Variants in NFATC2 observed in about 807,000 individuals in gnomAD.
NFATC2 encodes nuclear factor of activated T cells 2.
Under a neutral mutation model 87.3 loss-of-function variants are expected in NFATC2, and 22 were observed. That is an observed-to-expected ratio of 0.25 (90% CI 0.18 to 0.36). The LOEUF is 0.36. NFATC2 is among the 10% of genes least tolerant of loss of function. The pLI, the probability that NFATC2 is intolerant of heterozygous loss-of-function variation, is 1.00. For synonymous variants in NFATC2, 565 were observed against 542.2 expected (o/e 1.04, Z -0.58); for missense variants, 1,149 against 1,259.1 (o/e 0.91, Z 1.32).
In NFATC2 at chr20:51,391,409, C is replaced by T. The variant is rs1986304479; in HGVS notation, c.*87G>A. 6.5e-7 allele frequency: 1 copy of T among 1,549,090 alleles called. No individual in the cohort carries two copies. Among genetic ancestry groups the T allele is most frequent in the South Asian group, 1.1e-5 (1 of 90,330 alleles). On this transcript the variant is annotated 3_prime_UTR_variant, in exon 11 of 11. Coordinates refer to ENST00000371564, the MANE Select transcript of NFATC2 (RefSeq NM_012340.5). ...TAATGGCTTCTTTTACGTCTGATTTCTGGCAGGAGGTCCTGAAAACTCCTT... is the reference window on the plus strand; with the variant it reads ...TAATGGCTTCTTTTACGTCTGATTTTTGGCAGGAGGTCCTGAAAACTCCTT...
intron 3 of NFATC2, among the ~76,000 whole-genome samples, chr20:51,490,127 TAAC>T (rs1267488970): frequency 2.0e-5 from 3 of 152,296 alleles, no homozygotes; most frequent in East Asian, 1.9e-4. Flanking sequence ...TTAATCATAA[TAAC>T]AACAACAATG....
At chr20:51,397,249 TCTGCTTTACACTTAC>T (rs1371738633) in intron 10 of NFATC2, among the ~76,000 whole-genome samples, 1 of 152,202 alleles carries the variant, frequency 6.6e-6, no homozygotes, top group Non-Finnish European at 1.5e-5. Flanking sequence ...CTCCCAGACC[TCTGCTTTACACTTAC>T]TAAGTAACTT....
At chr20:51,395,239 A>C (rs537365524) in intron 10 of NFATC2, among the ~76,000 whole-genome samples, 1 of 150,076 alleles carries the variant, frequency 6.7e-6, no homozygotes, top group Non-Finnish European at 1.5e-5. Context: ...TAGATGGGGA[A>C]ATAGAGACAG....
At chr20:51,507,275 C>A (rs1453594144) in intron 3 of NFATC2, among the ~76,000 whole-genome samples, 2 of 152,182 alleles carry the variant, frequency 1.3e-5, no homozygotes, top group Non-Finnish European at 2.9e-5. Context: ...AATAGCAGCC[C>A]CGACTCACCA....
upstream of NFATC2, among the ~76,000 whole-genome samples, chr20:51,547,698 C>T (rs982068405): frequency 6.6e-6 from 1 of 152,200 alleles, no homozygotes; most frequent in African/African-American, 2.4e-5. Context: ...CTCACTGTGC[C>T]TCAACTCAAG....
rs371914774 is a variant in NFATC2 at position 51,404,551 on chromosome 20, A to C, written c.2723-5821T>G. The stretch of plus-strand genomic sequence containing the variant: ...ATATGGCACTATGCCAAGCTAAGAA[A>C]TAACCAAAAGTAGCAGCTCTTTCTA... On this transcript the variant is annotated intron_variant, in intron 9 of 10. Transcript: ENST00000371564. 1.5e-3 allele frequency among the ~76,000 whole-genome samples: 225 copies of C among 152,378 alleles called. 1 individual carries two copies. Among genetic ancestry groups the C allele is most frequent in the African/African-American group, 5.1e-3 (214 of 41,596 alleles).
At chr20:51,556,544 C>T (rs1300344093) in intron 1 of NFATC2, among the ~76,000 whole-genome samples, 5 of 152,144 alleles carry the variant, frequency 3.3e-5, no homozygotes, top group East Asian at 1.9e-4. Flanking sequence ...GTACCCGGCA[C>T]GTGATAGATC....
chr20:51,475,642 T>C lies in NFATC2; in HGVS notation c.1351A>G (p.Asn451Asp), dbSNP rs1180630171. ...AAGATCTGAAGTCCCAGAGGCTTGT[T>C]TTCCATGTAGCCATGGAGCTGGTGG... ...PVVQLHGYME[N>D]KPLGLQIFIG... is the part of the protein sequence containing the mutation. The change falls in exon 4 of 11, where the codon AAC becomes GAC. Residue 451 changes from asparagine (N) to aspartate (D), a missense_variant. Coordinates refer to ENST00000371564, the MANE Select transcript of NFATC2 (RefSeq NM_012340.5). The C allele has an allele frequency of 6.2e-7, 1 of 1,614,114 alleles. No individual in the cohort carries two copies. Among genetic ancestry groups the C allele is most frequent in the Non-Finnish European group, 8.5e-7 (1 of 1,180,010 alleles).
At chr20:51,461,018 C>T (rs1244420116) in intron 5 of NFATC2, among the ~76,000 whole-genome samples, 1 of 152,188 alleles carries the variant, frequency 6.6e-6, no homozygotes, top group Non-Finnish European at 1.5e-5. Flanking sequence ...CTTAAGAGGC[C>T]ACCTGAGGAC....
At chr20:51,525,643 C>T (rs2076532565) in intron 1 of NFATC2, among the ~76,000 whole-genome samples, 1 of 151,722 alleles carries the variant, frequency 6.6e-6, no homozygotes. Flanking sequence ...CACATCTGAT[C>T]CATCATCAGC....
At position 51,396,834 on chromosome 20, in the gene NFATC2, G is replaced by A. The variant is rs139683399; in HGVS notation, c.*44+1809C>T. ...TCCTCTCTGGGATCTTCTGCCTTTG[G>A]TCCTAACTGTTCTCAGGGGGAAGCG... is the stretch of plus-strand genomic sequence containing the variant. On this transcript the variant is annotated intron_variant, in intron 10 of 10. Coordinates refer to ENST00000371564, the MANE Select transcript of NFATC2 (RefSeq NM_012340.5). Among the ~76,000 whole-genome samples, 1,347 of 152,204 alleles carry A rather than the reference G, an allele frequency of 8.8e-3. 8 individuals carry two copies. Among genetic ancestry groups the A allele is most frequent in the Middle Eastern group, 0.027 (8 of 294 alleles).
chr20:51,484,869 G>A (rs1568675655), intron 3 of NFATC2, among the ~76,000 whole-genome samples: 1 of 152,214 alleles, frequency 6.6e-6, no homozygotes, highest in East Asian at 1.9e-4. Flanking sequence ...TGTGTCTTCA[G>A]TCCTGCAGGA....
intron 1 of NFATC2, among the ~76,000 whole-genome samples, chr20:51,554,180 C>T (rs1295872706): frequency 6.6e-6 from 1 of 152,224 alleles, no homozygotes; most frequent in Non-Finnish European, 1.5e-5. Context: ...TTCTCTCCCT[C>T]TTTTGCTTCT....
Position 51,496,871 on chromosome 20 carries a change from C to G in NFATC2, c.1332+19913G>C, listed in dbSNP as rs118027875. 4.9e-3 allele frequency among the ~76,000 whole-genome samples: 744 copies of G among 152,346 alleles called. 3 individuals carry two copies. The highest frequency in any genetic ancestry group is 0.014 in the Middle Eastern group (4 of 294). On this transcript the variant is annotated intron_variant, in intron 3 of 10. Coordinates refer to ENST00000371564, the MANE Select transcript of NFATC2 (RefSeq NM_012340.5). ...CTGAAAGCAAGAATTGATCTCATTTCTCCCTCTATCCAGAGTACACAGCTC... is the reference window on the plus strand; with the variant it reads ...CTGAAAGCAAGAATTGATCTCATTTGTCCCTCTATCCAGAGTACACAGCTC...
chr20:51,511,387 G>A (rs188926187), intron 3 of NFATC2, among the ~76,000 whole-genome samples: 2 of 152,290 alleles, frequency 1.3e-5, no homozygotes, highest in Admixed American at 1.3e-4. Context: ...TGCTTGCTGG[G>A]GCCTCTGGTG....
intron 5 of NFATC2, among the ~76,000 whole-genome samples, chr20:51,457,925 AC>A (rs1249590201): frequency 4.3e-5 from 6 of 140,210 alleles, no homozygotes; most frequent in African/African-American, 1.6e-4. Flanking sequence ...TTGCTCTGTC[AC>A]CCAGGCAGGA....
At chr20:51,508,626 A>G (rs915089365) in intron 3 of NFATC2, among the ~76,000 whole-genome samples, 1 of 151,988 alleles carries the variant, frequency 6.6e-6, no homozygotes, top group Non-Finnish European at 1.5e-5. Flanking sequence ...CTTGAAGTGA[A>G]AAGGCTACAT....
At chr20:51,417,347 C>T (rs140752180) in intron 9 of NFATC2, among the ~76,000 whole-genome samples, 330 of 152,262 alleles carry the variant, frequency 2.2e-3, no homozygotes, top group African/African-American at 7.5e-3. Context: ...GCTCTCAACC[C>T]GCGAGGCCTG....
intron 1 of NFATC2, among the ~76,000 whole-genome samples, chr20:51,561,568 T>TCCCCCCC (rs113481949): frequency 1.2e-4 from 15 of 126,690 alleles, no homozygotes; most frequent in East Asian, 4.6e-4. Flanking sequence ...TGTCATTTCT[T>TCCCCCCC]CCCCCCCCCA....
Sources: gnomAD v4.1 joint callset for allele counts (sites outside exome capture counted in the v4.1 genomes callset) on GRCh38, gnomAD v4.1.1 for gene constraint, MANE v1.5 for transcripts, NCBI Gene and HGNC (gene_info 2026-07-23, HGNC 2026-07-21) for gene names.